Variants in SVIL observed in about 807,000 individuals in gnomAD.
SVIL encodes the protein supervillin.
In SVIL, 101 loss-of-function variants were observed where a neutral mutation model predicts 240.4. That is an observed-to-expected ratio of 0.42 (90% CI 0.36 to 0.50). SVIL has a LOEUF of 0.50. Ranked by LOEUF, SVIL falls within the 20% of genes least tolerant of loss-of-function variation. The probability of loss-of-function intolerance (pLI) is 0.01; values close to 1 mark genes in which losing one functional copy is unlikely to be tolerated. For missense variants in SVIL, 2,512 were observed against 2,818.7 expected, an observed-to-expected ratio of 0.89 and a Z score of 2.46; for synonymous variants, 999 against 1,100.0, an observed-to-expected ratio of 0.91 and a Z score of 1.82.
Position 29,488,816 on chromosome 10 carries a change from C to T in SVIL, c.4193-60G>A, listed in dbSNP as rs2132389650. 1.8e-5 allele frequency: 28 copies of T among 1,540,078 alleles called. No individual in the cohort carries two copies. The South Asian group carries it at 3.4e-4, about 18-fold the overall frequency. ...GGTTCAGTTACAGTGACAATATTTACAGTCAGAAATTATTCATAACTGACT... is the reference window on the plus strand; with the variant it reads ...GGTTCAGTTACAGTGACAATATTTATAGTCAGAAATTATTCATAACTGACT... On this transcript the variant is annotated intron_variant, in intron 22 of 37. Coordinates refer to ENST00000355867, the MANE Select transcript of SVIL (RefSeq NM_021738.3).
intron 2 of SVIL, among the ~76,000 whole-genome samples, chr10:29,679,460 GA>G (rs1482323787): frequency 6.6e-6 from 1 of 151,770 alleles, no homozygotes; most frequent in Non-Finnish European, 1.5e-5. Context: ...TATGTTATTA[GA>G]AAAACAAAAA....
chr10:29,522,674 A>G, intron 15 of SVIL, 39 bp from the exon 16 acceptor site: 1 of 1,595,536 alleles, frequency 6.3e-7, no homozygotes, highest in East Asian at 2.3e-5. Flanking sequence ...TGAACTCCTC[A>G]GGCAAACATT....
At chr10:29,691,833 C>G (rs1204367609) in intron 1 of SVIL, among the ~76,000 whole-genome samples, 1 of 152,194 alleles carries the variant, frequency 6.6e-6, no homozygotes, top group African/African-American at 2.4e-5. Flanking sequence ...CTCGAATTAT[C>G]TCACCACTGT....
intron 1 of SVIL, among the ~76,000 whole-genome samples, chr10:29,632,311 T>G (rs1958129033): frequency 6.6e-6 from 1 of 151,964 alleles, no homozygotes; most frequent in Admixed American, 6.6e-5. Flanking sequence ...GGCAACATGA[T>G]GAAACCCTGT....
At chr10:29,670,916 AAC>A (rs1425529933) in intron 2 of SVIL, 1 of 152,216 alleles carries the variant, frequency 6.6e-6, no homozygotes, top group Non-Finnish European at 1.5e-5. Context: ...GTGGCTGGCT[AAC>A]ATGTGCTTCT....
At chr10:29,725,028 C>CAA (rs1187861054) in intron 1 of SVIL, among the ~76,000 whole-genome samples, 6,978 of 40,154 alleles carry the variant, frequency 0.17, 1,019 homozygotes, top group East Asian at 0.23. Flanking sequence ...GACCCGGTCT[C>CAA]AAAAAAAAAA....
At chr10:29,695,587 T>C (rs754061483) in intron 1 of SVIL, among the ~76,000 whole-genome samples, 19 of 151,872 alleles carry the variant, frequency 1.3e-4, no homozygotes, top group Middle Eastern at 3.4e-3. Flanking sequence ...TCTACTAAAA[T>C]ACAAAAATTA....
intron 2 of SVIL, among the ~76,000 whole-genome samples, chr10:29,672,569 T>A (rs141673509): frequency 1.1e-4 from 17 of 152,350 alleles, no homozygotes; most frequent in African/African-American, 4.1e-4. Flanking sequence ...AAAAATTAAA[T>A]AATAAAATTA....
chr10:29,688,186 A>C (rs1961236694), intron 1 of SVIL, among the ~76,000 whole-genome samples: 1 of 152,238 alleles, frequency 6.6e-6, no homozygotes, highest in Non-Finnish European at 1.5e-5. Flanking sequence ...AAAGTGCAGA[A>C]ATGTCTAATA....
intron 1 of SVIL, among the ~76,000 whole-genome samples, chr10:29,580,926 G>T (rs1161577387): frequency 6.6e-6 from 1 of 152,192 alleles, no homozygotes; most frequent in Non-Finnish European, 1.5e-5. Context: ...GGGATTACAG[G>T]CGTGAGCCAT....
intron 17 of SVIL, 55 bp downstream of exon 17, chr10:29,512,680 G>A: frequency 1.2e-6 from 2 of 1,613,228 alleles, no homozygotes; most frequent in Non-Finnish European, 1.7e-6. Flanking sequence ...TCTTTTTGAT[G>A]CACTTCCAAG....
At chr10:29,607,360 A>G (rs1957065139) in intron 1 of SVIL, among the ~76,000 whole-genome samples, 1 of 152,170 alleles carries the variant, frequency 6.6e-6, no homozygotes, top group African/African-American at 2.4e-5. Flanking sequence ...GTCCATGTGA[A>G]CTTCGGAATC....
chr10:29,703,101 AT>A (rs1262287184), intron 1 of SVIL, among the ~76,000 whole-genome samples: 1 of 152,238 alleles, frequency 6.6e-6, no homozygotes, highest in African/African-American at 2.4e-5. Flanking sequence ...CTAGGCATTT[AT>A]TTTTAATAGA....
intron 1 of SVIL, among the ~76,000 whole-genome samples, chr10:29,700,465 T>A (rs1441477258): frequency 7.4e-6 from 1 of 134,734 alleles, no homozygotes; most frequent in Non-Finnish European, 1.6e-5. Flanking sequence ...TTCTTACTAT[T>A]TCCTTTTTTT....
chr10:29,552,984 C>A (rs1008659175), intron 5 of SVIL, among the ~76,000 whole-genome samples: 6 of 152,018 alleles, frequency 3.9e-5, no homozygotes, highest in Non-Finnish European at 7.4e-5. Context: ...ATATTTCAAG[C>A]GTGTAATTAC....
At chr10:29,608,383 G>A (rs1957104744) in intron 1 of SVIL, among the ~76,000 whole-genome samples, 1 of 152,270 alleles carries the variant, frequency 6.6e-6, no homozygotes, top group African/African-American at 2.4e-5. Context: ...CCATGGCTGG[G>A]ATTGTGCACT....
chr10:29,486,818 T>C (rs756565448), intron 24 of SVIL, among the ~76,000 whole-genome samples: 4 of 152,230 alleles, frequency 2.6e-5, no homozygotes, highest in African/African-American at 4.8e-5. Context: ...CACTATTCTT[T>C]GGGCTTTACC....
chr10:29,526,868 TCAAACAAACGA>T (rs1424643493), intron 13 of SVIL, 82 bp downstream of exon 13: 24 of 1,091,944 alleles, frequency 2.2e-5, no homozygotes, highest in Non-Finnish European at 2.4e-5. Context: ...GACTTGTTTG[TCAAACAAACGA>T]CAGACATTCA....
chr10:29,555,133 A>G (rs1953786863), intron 3 of SVIL, 25 bp from the exon 4 acceptor site: 2 of 1,592,654 alleles, frequency 1.3e-6, no homozygotes, highest in Non-Finnish European at 1.7e-6. Context: ...AAAAAGAACA[A>G]AATATAGTAT....
Sources: allele counts gnomAD v4.1 joint callset (sites outside exome capture counted in the v4.1 genomes callset), GRCh38; gene constraint gnomAD v4.1.1; transcripts MANE v1.5; gene names NCBI Gene and HGNC (gene_info 2026-07-23, HGNC 2026-07-21).